Variants in GPR17 observed in about 807,000 individuals in gnomAD.
GPR17 encodes the protein uracil nucleotide/cysteinyl leukotriene receptor.
A neutral mutation model predicts 1.5 loss-of-function variants in GPR17; 4 were observed. The observed-to-expected ratio is 2.73, with a 90% CI of 1.35 to 6.25. The LOEUF is 6.25. Ranked by LOEUF, GPR17 falls within the 30% of genes most tolerant of loss-of-function variation. GPR17 has a pLI of 0.00. For synonymous variants in GPR17, 209 were observed against 207.6 expected, an observed-to-expected ratio of 1.01 and a Z score of -0.06; for missense variants, 463 against 462.1, an observed-to-expected ratio of 1.00 and a Z score of -0.02.
In GPR17 at chr2:127,651,111, A is replaced by G. The variant is rs776778090; in HGVS notation, c.376A>G (p.Ser126Gly). 5 of 1,613,526 alleles carry G rather than the reference A, an allele frequency of 3.1e-6. No homozygotes were observed. The highest frequency in any genetic ancestry group is 1.7e-5 in the Admixed American group (1 of 60,032). ...CAGCATCTACTTCCTCACCTGCATCAGCGCCGACCGTTTCCTGGCCATTGT... is the reference window on the plus strand; with the variant it reads ...CAGCATCTACTTCCTCACCTGCATCGGCGCCGACCGTTTCCTGGCCATTGT... The part of the protein sequence containing the change: ...YASIYFLTCI[S>G]ADRFLAIVHP... The change falls in exon 2 of 2, where the codon AGC becomes GGC. Residue 126 changes from serine (S) to glycine (G), a missense_variant. Ser to Gly is a moderately conservative substitution (Grantham distance 56). Coordinates refer to ENST00000486700, the MANE Select transcript of GPR17 (RefSeq NM_001161417.2).
At chr2:127,648,808 C>T (rs1683272699) in intron 1 of GPR17, among the ~76,000 whole-genome samples, 1 of 151,514 alleles carries the variant, frequency 6.6e-6, no homozygotes, top group Non-Finnish European at 1.5e-5. Context: ...GTAGTCCCAG[C>T]TATTCAGGAG....
chr2:127,648,203 T>C, intron 1 of GPR17: 1 of 985,390 alleles, frequency 1.0e-6, no homozygotes. Flanking sequence ...ACAGACCCTG[T>C]TCCTGGAAGC....
intron 1 of GPR17, among the ~76,000 whole-genome samples, chr2:127,648,971 A>G (rs1347753507): frequency 2.1e-3 from 33 of 15,542 alleles, no homozygotes; most frequent in African/African-American, 2.5e-3. Flanking sequence ...GGAGGGGGGG[A>G]GGGGAGGGAG....
In GPR17 at chr2:127,650,678, C is replaced by G. The variant is rs200149080; in HGVS notation, c.-20-38C>G. ...TCAGAGAGCGTGAAGCTGCCTAGATCGCAAGCTCATTGTGAACTGTTTGCT... is the reference window on the plus strand; with the variant it reads ...TCAGAGAGCGTGAAGCTGCCTAGATGGCAAGCTCATTGTGAACTGTTTGCT... On this transcript the variant is annotated intron_variant, in intron 1 of 1. Transcript: ENST00000486700. 8.4e-6 allele frequency: 12 copies of G among 1,436,490 alleles called. No homozygotes were observed. The African/African-American group carries it at 1.6e-4, about 19-fold the overall frequency. The allele number at this position is 1,436,490 out of a possible 1,614,324, so 89.0% of individuals were successfully genotyped here. A position where few individuals can be genotyped will look rare whatever the true frequency, so the allele number is the denominator to read the frequency against.
In GPR17 at chr2:127,651,137, G is replaced by T; in HGVS notation, c.402G>T (p.Val134=). ...CISADRFLAI[V]HPVKSLKLRR... is the part of the protein sequence containing the mutation. ...GCGCCGACCGTTTCCTGGCCATTGT[G>T]CACCCGGTCAAGTCCCTCAAGCTCC... is the stretch of plus-strand genomic sequence containing the variant. Residue 134 remains valine, a synonymous_variant, in exon 2 of 2, where the codon GTG becomes GTT. Coordinates refer to ENST00000486700, the MANE Select transcript of GPR17 (RefSeq NM_001161417.2). 6.2e-7 allele frequency: 1 copy of T among 1,613,306 alleles called. No individual in the cohort carries two copies. Among genetic ancestry groups the T allele is most frequent in the South Asian group, 1.1e-5 (1 of 91,078 alleles).
At chr2:127,649,909 C>A in intron 1 of GPR17, 1 of 943,124 alleles carries the variant, frequency 1.1e-6, no homozygotes, top group Non-Finnish European at 1.6e-6. Flanking sequence ...GGAAGAGATG[C>A]TGCCCCCTGG....
At chr2:127,649,924 G>A (rs2243805) in intron 1 of GPR17, 487,732 of 1,074,540 alleles carry the variant, frequency 0.45, 116,908 homozygotes, top group African/African-American at 0.69. Flanking sequence ...CCCTGGTGGT[G>A]GATCTACTCT....
At position 127,651,480 on chromosome 2, in the gene GPR17, G is replaced by A. The variant is rs761381132; in HGVS notation, c.745G>A (p.Val249Met). 73 of 1,612,668 alleles carry A rather than the reference G, an allele frequency of 4.5e-5. No individual in the cohort carries two copies. Among genetic ancestry groups the A allele is most frequent in the Admixed American group, 1.2e-4 (7 of 60,004 alleles). ...GCTGGCCATCTTCCTGGTCTGCTTC[G>A]TGCCCTACCACGTCAACCGCTCCGT... ...IVLAIFLVCFVPYHVNRSVYV... is the reference protein window; with the variant it reads ...IVLAIFLVCFMPYHVNRSVYV... Residue 249 changes from valine (V) to methionine (M), a missense_variant, in exon 2 of 2, where the codon GTG becomes ATG. By Grantham distance (21) the Val-to-Met change is conservative. Transcript: ENST00000486700.
intron 1 of GPR17, among the ~76,000 whole-genome samples, chr2:127,649,559 G>A (rs993708404): frequency 1.3e-5 from 2 of 152,254 alleles, no homozygotes; most frequent in Non-Finnish European, 2.9e-5. Context: ...GTTCCGGGCT[G>A]CGGGCTGCTC....
At position 127,650,778 on chromosome 2, in the gene GPR17, T is replaced by C. The variant is rs371569724; in HGVS notation, c.43T>C (p.Phe15Leu). ...GGCTCCCCCAGGTCTGATCACCAAC[T>C]TCTCCCTGGCCACGGCAGAGCAATG... ...EVAPPGLITN[F>L]SLATAEQCGQ... Residue 15 changes from phenylalanine to leucine, a missense_variant, in exon 2 of 2, where the codon TTC becomes CTC. Transcript: ENST00000486700. 74 of 1,613,764 alleles carry C rather than the reference T, an allele frequency of 4.6e-5. No individual in the cohort carries two copies. The highest frequency in any genetic ancestry group is 6.1e-5 in the Non-Finnish European group (72 of 1,179,890).
At chr2:127,650,378 T>C in intron 1 of GPR17, 1 of 528,610 alleles carries the variant, frequency 1.9e-6, no homozygotes, top group Non-Finnish European at 3.4e-6. Context: ...ACCCAGAGCC[T>C]CACCCAGGCA....
chr2:127,651,159 C>T lies in GPR17; in HGVS notation c.424C>T (p.Leu142Phe). The change falls in exon 2 of 2, where the codon CTC becomes TTC. Residue 142 changes from leucine to phenylalanine, a missense_variant. Transcript: ENST00000486700. ...AIVHPVKSLK[L>F]RRPLYAHLAC... is the part of the protein sequence containing the mutation. Reference sequence around the variant, plus strand: ...TGTGCACCCGGTCAAGTCCCTCAAGCTCCGCAGGCCCCTCTACGCACACCT... The same window carrying T: ...TGTGCACCCGGTCAAGTCCCTCAAGTTCCGCAGGCCCCTCTACGCACACCT... 2.5e-6 allele frequency: 4 copies of T among 1,612,920 alleles called. No individual in the cohort carries two copies. The highest frequency in any genetic ancestry group is 3.4e-6 in the Non-Finnish European group (4 of 1,179,982).
Position 127,651,471 on chromosome 2 carries a change from G to A in GPR17, c.736G>A (p.Val246Ile), listed in dbSNP as rs1324380124. 3 of 1,612,710 alleles carry A rather than the reference G, an allele frequency of 1.9e-6. No individual in the cohort carries two copies. Among genetic ancestry groups the A allele is most frequent in the Non-Finnish European group, 2.5e-6 (3 of 1,180,050 alleles). Residue 246 changes from valine (V) to isoleucine (I), a missense_variant, in exon 2 of 2, where the codon GTC becomes ATC. Val to Ile is a conservative substitution (Grantham distance 29). Coordinates refer to ENST00000486700, the MANE Select transcript of GPR17 (RefSeq NM_001161417.2). ...CGCCATAGTGCTGGCCATCTTCCTG[G>A]TCTGCTTCGTGCCCTACCACGTCAA... ...MIAIVLAIFLVCFVPYHVNRS... is the reference protein window; with the variant it reads ...MIAIVLAIFLICFVPYHVNRS...
chr2:127,651,836 C>A lies in GPR17; in HGVS notation c.*81C>A. On this transcript the variant is annotated 3_prime_UTR_variant, in exon 2 of 2. Coordinates refer to ENST00000486700, the MANE Select transcript of GPR17 (RefSeq NM_001161417.2). ...AAGAGGCATCTGCCCTTTCCCCAGC[C>A]ACCTCCCCAGCAAGCAACCTGAAAT... is the stretch of plus-strand genomic sequence containing the variant. The A allele has an allele frequency of 7.4e-7, 1 of 1,345,954 alleles. No individual in the cohort carries two copies. Among genetic ancestry groups the A allele is most frequent in the South Asian group, 1.3e-5 (1 of 74,368 alleles). 83.4% of individuals were successfully genotyped at this position (1,345,954 alleles called of 1,614,324 possible).
Position 127,651,577 on chromosome 2 carries a change from T to C in GPR17, c.842T>C (p.Ile281Thr). ...TQRILALANR[I>T]TSCLTSLNGA... ...CGCATCCTGGCCCTGGCAAACCGCA[T>C]CACCTCCTGCCTCACCAGCCTCAAC... Residue 281 changes from isoleucine (I) to threonine (T), a missense_variant, in exon 2 of 2, where the codon ATC (isoleucine) becomes ACC (threonine). Ile to Thr is a moderately conservative substitution (Grantham distance 89). Coordinates refer to ENST00000486700, the MANE Select transcript of GPR17 (RefSeq NM_001161417.2). 3 of 1,612,908 alleles carry C rather than the reference T, an allele frequency of 1.9e-6. No individual in the cohort carries two copies. Among genetic ancestry groups the C allele is most frequent in the Non-Finnish European group, 2.5e-6 (3 of 1,180,038 alleles).
At position 127,649,871 on chromosome 2, in the gene GPR17, C is replaced by T. The variant is rs991650275; in HGVS notation, c.-20-845C>T. On this transcript the variant is annotated intron_variant, in intron 1 of 1. Transcript: ENST00000486700. Reference sequence around the variant, plus strand: ...CAACAGCGCTGGCCAGTGTCTCTGACGCTGGGTAAAATGGGTCTTCCCCTC... The same window carrying T: ...CAACAGCGCTGGCCAGTGTCTCTGATGCTGGGTAAAATGGGTCTTCCCCTC... The T allele has an allele frequency of 2.7e-4, 188 of 705,730 alleles. 2 individuals are homozygous for T. Among genetic ancestry groups the T allele is most frequent in the African/African-American group, 2.4e-3 (137 of 56,194 alleles). The allele number at this position is 705,730 out of a possible 1,614,324, so 43.7% of individuals were successfully genotyped here. A position where few individuals can be genotyped will look rare whatever the true frequency, so the allele number is the denominator to read the frequency against.
rs1188279470 is a variant in GPR17, at chr2:127,651,262, A to G, written c.527A>G (p.Asn176Ser). The change falls in exon 2 of 2, where the codon AAC (asparagine) becomes AGC (serine). Residue 176 changes from asparagine to serine, a missense_variant. By Grantham distance (46) the Asn-to-Ser change is conservative. Coordinates refer to ENST00000486700, the MANE Select transcript of GPR17 (RefSeq NM_001161417.2). ...GTGAGCCCACAGACCGTGCAGACCA[A>G]CCACACGGTGGTCTGCCTGCAGCTG... is the stretch of plus-strand genomic sequence containing the variant. Reference protein sequence around the residue: ...LLVSPQTVQTNHTVVCLQLYR... With the variant: ...LLVSPQTVQTSHTVVCLQLYR... 6.2e-7 allele frequency: 1 copy of G among 1,606,170 alleles called. No individual in the cohort carries two copies. Among genetic ancestry groups the G allele is most frequent in the Non-Finnish European group, 8.5e-7 (1 of 1,179,344 alleles).
chr2:127,649,309 G>A (rs1411524863), intron 1 of GPR17, among the ~76,000 whole-genome samples: 1 of 152,198 alleles, frequency 6.6e-6, no homozygotes, highest in Non-Finnish European at 1.5e-5. Context: ...TGCCAGGGCT[G>A]TGGCCCGTGC....
At position 127,650,866 on chromosome 2, in the gene GPR17, T is replaced by C. The variant is rs1432239121; in HGVS notation, c.131T>C (p.Leu44Pro). Residue 44 changes from leucine to proline, a missense_variant, in exon 2 of 2, where the codon CTG (leucine) becomes CCG (proline). Transcript: ENST00000486700. ...TCCTTCTACCTTCTGGATTTTATCC[T>C]GGCTTTAGTTGGCAATACCCTGGCT... is the stretch of plus-strand genomic sequence containing the variant. ...FASFYLLDFI[L>P]ALVGNTLALW... is the part of the protein sequence containing the mutation. 4 of 1,614,142 alleles carry C rather than the reference T, an allele frequency of 2.5e-6. No individual in the cohort carries two copies. Among genetic ancestry groups the C allele is most frequent in the Non-Finnish European group, 3.4e-6 (4 of 1,180,026 alleles).
Sources: gnomAD v4.1 joint callset for allele counts (sites outside exome capture counted in the v4.1 genomes callset) on GRCh38, gnomAD v4.1.1 for gene constraint, MANE v1.5 for transcripts, NCBI Gene and HGNC (gene_info 2026-07-23, HGNC 2026-07-21) for gene names.